Variants in AUH observed in about 807,000 individuals in gnomAD.
The protein encoded by AUH is AU RNA binding methylglutaconyl-CoA hydratase, also known as methylglutaconyl-CoA hydratase, mitochondrial.
A neutral mutation model predicts 42.3 loss-of-function variants in AUH; 29 were observed. The observed-to-expected ratio is 0.69, with a 90% CI of 0.51 to 0.93. The LOEUF (loss-of-function observed/expected upper bound fraction) is 0.93. Ranked by LOEUF, AUH falls within the 40% of genes least tolerant of loss-of-function variation. AUH has a pLI of 0.00. For synonymous variants in AUH, 174 were observed against 166.4 expected, an observed-to-expected ratio of 1.05 and a Z score of -0.35; for missense variants, 452 against 438.1, an observed-to-expected ratio of 1.03 and a Z score of -0.28.
intron 4 of AUH, among the ~76,000 whole-genome samples, chr9:91,317,051 C>A (rs1020742215): frequency 3.3e-5 from 5 of 152,216 alleles, no homozygotes; most frequent in Non-Finnish European, 7.3e-5. Context: ...AACTTCCCCA[C>A]TTGGGTGGTC....
intron 3 of AUH, among the ~76,000 whole-genome samples, chr9:91,328,183 C>A (rs754120331): frequency 6.6e-6 from 1 of 152,292 alleles, no homozygotes; most frequent in Non-Finnish European, 1.5e-5. Context: ...TCCTTGGGGA[C>A]ATCACTCACT....
At chr9:91,274,651 T>C (rs1357779969) in intron 6 of AUH, among the ~76,000 whole-genome samples, 1 of 152,190 alleles carries the variant, frequency 6.6e-6, no homozygotes, top group East Asian at 1.9e-4. Context: ...TATTTCTAAA[T>C]AACAGAGGAC....
At chr9:91,315,537 C>T (rs1302068185) in intron 4 of AUH, among the ~76,000 whole-genome samples, 1 of 152,080 alleles carries the variant, frequency 6.6e-6, no homozygotes, top group Admixed American at 6.6e-5. Flanking sequence ...CAGGCTGTAA[C>T]CCTTTATGAG....
intron 6 of AUH, among the ~76,000 whole-genome samples, chr9:91,282,083 G>A (rs1032174328): frequency 6.6e-6 from 1 of 152,134 alleles, no homozygotes; most frequent in Admixed American, 6.5e-5. Context: ...TTCTCTGACA[G>A]TATCTCCTAT....
At chr9:91,308,355 T>C (rs917483696) in intron 4 of AUH, among the ~76,000 whole-genome samples, 1 of 152,164 alleles carries the variant, frequency 6.6e-6, no homozygotes, top group Non-Finnish European at 1.5e-5. Flanking sequence ...AGCGAGACAC[T>C]GTCTCTAAAA....
At chr9:91,252,265 G>A (rs934699699) in intron 6 of AUH, among the ~76,000 whole-genome samples, 4 of 151,682 alleles carry the variant, frequency 2.6e-5, no homozygotes, top group Admixed American at 6.6e-5. Context: ...GCAGCCGGCC[G>A]AATTTTTTTT....
chr9:91,217,466 T>C, intron 7 of AUH, 139 bp from the exon 8 acceptor site: 1 of 856,688 alleles, frequency 1.2e-6, no homozygotes, highest in Non-Finnish European at 1.8e-6. Flanking sequence ...TGGAAAATTT[T>C]CTGAGCCTTG....
At chr9:91,284,636 C>T (rs1014602866) in intron 6 of AUH, among the ~76,000 whole-genome samples, 2 of 152,170 alleles carry the variant, frequency 1.3e-5, no homozygotes, top group Non-Finnish European at 2.9e-5. Context: ...CAAACAACCT[C>T]ATCACAAAGT....
intron 3 of AUH, among the ~76,000 whole-genome samples, chr9:91,339,783 A>G (rs1830966845): frequency 6.6e-6 from 1 of 152,162 alleles, no homozygotes; most frequent in Non-Finnish European, 1.5e-5. Context: ...TGGCTCAGCT[A>G]TTGATCAACA....
At chr9:91,262,517 A>C (rs1046173762) in intron 6 of AUH, among the ~76,000 whole-genome samples, 3 of 152,212 alleles carry the variant, frequency 2.0e-5, no homozygotes, top group Non-Finnish European at 4.4e-5. Context: ...ATATGAGAGT[A>C]AACTTAGCCA....
intron 3 of AUH, among the ~76,000 whole-genome samples, chr9:91,346,585 G>A (rs992972761): frequency 3.9e-5 from 6 of 152,258 alleles, no homozygotes; most frequent in African/African-American, 1.4e-4. Context: ...CAATTATGAC[G>A]TCTTTTTTTC....
chr9:91,227,868 T>A (rs1827610963), intron 6 of AUH, among the ~76,000 whole-genome samples: 1 of 151,868 alleles, frequency 6.6e-6, no homozygotes, highest in South Asian at 2.1e-4. Flanking sequence ...TTGATTTGCG[T>A]ATATTGAACC....
At chr9:91,244,134 G>A (rs545884609) in intron 6 of AUH, among the ~76,000 whole-genome samples, 3 of 152,086 alleles carry the variant, frequency 2.0e-5, no homozygotes, top group Admixed American at 2.0e-4. Context: ...TAAAATCAAG[G>A]CATACCATAA....
At chr9:91,273,019 A>G (rs552991549) in intron 6 of AUH, among the ~76,000 whole-genome samples, 1 of 152,360 alleles carries the variant, frequency 6.6e-6, no homozygotes, top group East Asian at 1.9e-4. Flanking sequence ...GCAGCTAGCA[A>G]TGGATACCAA....
Position 91,317,876 on chromosome 9 carries a change from A to T in AUH, c.505+7442T>A, listed in dbSNP as rs1284563555. 5.3e-5 allele frequency among the ~76,000 whole-genome samples: 8 copies of T among 152,372 alleles called. No homozygotes were observed. The South Asian group carries it at 1.2e-3, about 24-fold the overall frequency. ...AATGCTTTTTCCTCAATCTACTGAGATACACATATGACTTTATTTTCATTG... is the reference window on the plus strand; with the variant it reads ...AATGCTTTTTCCTCAATCTACTGAGTTACACATATGACTTTATTTTCATTG... On this transcript the variant is annotated intron_variant, in intron 4 of 9. Coordinates refer to ENST00000375731, the MANE Select transcript of AUH (RefSeq NM_001698.3).
intron 3 of AUH, among the ~76,000 whole-genome samples, chr9:91,330,882 T>C (rs1006891151): frequency 6.6e-6 from 1 of 152,208 alleles, no homozygotes; most frequent in East Asian, 1.9e-4. Context: ...TAATTGCCTA[T>C]GTCTTTTGGG....
intron 6 of AUH, among the ~76,000 whole-genome samples, chr9:91,286,121 G>C (rs1420606255): frequency 6.6e-6 from 1 of 152,036 alleles, no homozygotes; most frequent in South Asian, 2.1e-4. Context: ...TCACTGCTGA[G>C]GATATTTAAA....
At chr9:91,265,802 C>A (rs777932832) in intron 6 of AUH, among the ~76,000 whole-genome samples, 1 of 152,158 alleles carries the variant, frequency 6.6e-6, no homozygotes, top group Non-Finnish European at 1.5e-5. Context: ...TCTTCAGAAA[C>A]CTCTTTGCAG....
At position 91,256,690 on chromosome 9, in the gene AUH, T is replaced by TA. The variant is rs1271052610; in HGVS notation, c.656-35699dup. Among the ~76,000 whole-genome samples, 6 of 152,100 alleles carry TA rather than the reference T, an allele frequency of 3.9e-5. No homozygotes were observed. In the East Asian group the frequency reaches 1.2e-3, roughly 29 times the overall value. ...TGTCCCTGTGCTCAAGCGGCAGACT[T>TA]ACTGCACAGCCCCTCCTTCTACTGA... On this transcript the variant is annotated intron_variant, in intron 6 of 9. Transcript: ENST00000375731.
Sources: gnomAD v4.1 joint callset for allele counts (sites outside exome capture counted in the v4.1 genomes callset) on GRCh38, gnomAD v4.1.1 for gene constraint, MANE v1.5 for transcripts, NCBI Gene and HGNC (gene_info 2026-07-23, HGNC 2026-07-21) for gene names.